Variants in TEK observed in about 807,000 individuals in gnomAD.
TEK encodes the protein angiopoietin-1 receptor.
TEK carries 43 observed loss-of-function variants against 131.8 expected under a neutral mutation model. That is an observed-to-expected ratio of 0.33 (90% CI 0.26 to 0.42). The LOEUF is 0.42. Among genes scored for constraint, TEK ranks in the 10% least tolerant of loss-of-function variants. The pLI is 1.00. For missense variants in TEK, 1,162 were observed against 1,384.4 expected (o/e 0.84, Z 2.55); for synonymous variants, 580 against 491.6 (o/e 1.18, Z -2.38).
At chr9:27,175,050 A>G (rs932548719) in intron 6 of TEK, among the ~76,000 whole-genome samples, 3 of 150,230 alleles carry the variant, frequency 2.0e-5, no homozygotes, top group Non-Finnish European at 3.0e-5. Context: ...GGTTAGTTAC[A>G]TATGTATACA....
At chr9:27,137,668 C>T (rs1181088889) in intron 1 of TEK, among the ~76,000 whole-genome samples, 1 of 122,768 alleles carries the variant, frequency 8.1e-6, no homozygotes, top group Non-Finnish European at 1.8e-5. Context: ...ATGATTAAAG[C>T]ATCTTCTTAA....
intron 1 of TEK, among the ~76,000 whole-genome samples, chr9:27,146,876 C>T (rs1822940012): frequency 1.3e-5 from 2 of 151,974 alleles, no homozygotes; most frequent in Admixed American, 6.6e-5. Context: ...ACTACAGGTG[C>T]CCACCACCAC....
chr9:27,216,193 T>TACATGGTCAAATTTGCCATTTA (rs1318066093), intron 18 of TEK, among the ~76,000 whole-genome samples: 1 of 152,048 alleles, frequency 6.6e-6, no homozygotes, highest in African/African-American at 2.4e-5. Context: ...GGAATAGAAC[T>TACATGGTCAAATTTGCCATTTA]ACATGGTCAA....
chr9:27,174,654 A>G (rs1364856388), intron 6 of TEK, among the ~76,000 whole-genome samples: 2 of 152,008 alleles, frequency 1.3e-5, no homozygotes, highest in Admixed American at 6.6e-5. Context: ...CAAAGAGGAG[A>G]GTTACACAAA....
Position 27,205,063 on chromosome 9 carries a change from G to A in TEK, c.2362G>A (p.Val788Met), listed in dbSNP as rs374265341. 9.9e-6 allele frequency: 16 copies of A among 1,613,794 alleles called. No homozygotes were observed. The Admixed American group carries it at 1.0e-4, about 10-fold the overall frequency. The change falls in exon 14 of 23, where the codon GTG becomes ATG. Residue 788 changes from valine to methionine, a missense_variant and splice_region_variant. Transcript: ENST00000380036. ...GAGAATGGCCCAAGCCTTCCAAAAC[G>A]TGGTAGTGTCTCATCTTCCTACTAG... ...QRRMAQAFQN[V>M]REEPAVQFNS...
At chr9:27,137,947 G>T (rs966133740) in intron 1 of TEK, among the ~76,000 whole-genome samples, 1 of 152,156 alleles carries the variant, frequency 6.6e-6, no homozygotes, top group Admixed American at 6.5e-5. Flanking sequence ...TGTTCCTTCA[G>T]ATGTGTCTGG....
At chr9:27,209,090 G>GA (rs1825506837) in intron 15 of TEK, 31 bp from the exon 16 acceptor site, 2 of 1,516,156 alleles carry the variant, frequency 1.3e-6, no homozygotes, top group Non-Finnish European at 1.8e-6. Context: ...GTGTAACAAA[G>GA]AAGAATCACA....
At chr9:27,157,218 AACAG>A (rs1197697349) in intron 1 of TEK, among the ~76,000 whole-genome samples, 4 of 152,304 alleles carry the variant, frequency 2.6e-5, no homozygotes, top group South Asian at 2.1e-4. Context: ...TGCAATATAT[AACAG>A]ACAGAGTGGT....
chr9:27,180,057 CT>C (rs1824305164), intron 6 of TEK, among the ~76,000 whole-genome samples, 182 bp from the exon 7 acceptor site: 1 of 152,134 alleles, frequency 6.6e-6, no homozygotes, highest in African/African-American at 2.4e-5. Flanking sequence ...GCTCATTCAA[CT>C]TTTTTTGGAA....
intron 17 of TEK, 86 bp from the exon 18 acceptor site, chr9:27,213,398 C>G (rs1485342369): frequency 6.3e-6 from 6 of 954,886 alleles, no homozygotes; most frequent in Non-Finnish European, 6.7e-6. Context: ...CTTTTTTATA[C>G]TATTGTTTTC....
chr9:27,144,333 C>T (rs1272514987), intron 1 of TEK, among the ~76,000 whole-genome samples: 1 of 152,104 alleles, frequency 6.6e-6, no homozygotes. Flanking sequence ...TGCGAAGATG[C>T]TATGGATGAT....
Position 27,218,827 on chromosome 9 carries a change from T to A in TEK, c.3103+10T>A, listed in dbSNP as rs774150868. The A allele has an allele frequency of 2.5e-6, 4 of 1,613,544 alleles. No individual in the cohort carries two copies. The highest frequency in any genetic ancestry group is 1.3e-5 in the African/African-American group (1 of 74,900). ...GAGATTGTTAGCTTAGGTGAGTATC[T>A]ATGTTTATCTACCAGGTGAGACTCT... On this transcript the variant is annotated intron_variant, in intron 20 of 22. Transcript: ENST00000380036.
At chr9:27,171,039 A>C (rs1379706132) in intron 4 of TEK, among the ~76,000 whole-genome samples, 1 of 152,168 alleles carries the variant, frequency 6.6e-6, no homozygotes, top group Non-Finnish European at 1.5e-5. Context: ...TAAATCCCAC[A>C]CTTCCCAGGT....
intron 15 of TEK, among the ~76,000 whole-genome samples, chr9:27,208,216 G>T (rs1272564797): frequency 6.6e-6 from 1 of 152,182 alleles, no homozygotes; most frequent in Non-Finnish European, 1.5e-5. Context: ...TGAGGCTTCT[G>T]TAGTATGAAC....
chr9:27,174,952 C>T (rs1483364192), intron 6 of TEK, among the ~76,000 whole-genome samples: 1 of 134,542 alleles, frequency 7.4e-6, no homozygotes, highest in African/African-American at 2.8e-5. Context: ...GTCTCTGGGC[C>T]CAGGTTTTTT....
intron 2 of TEK, among the ~76,000 whole-genome samples, chr9:27,160,116 G>T (rs910226270): frequency 6.9e-6 from 1 of 145,614 alleles, no homozygotes; most frequent in East Asian, 2.2e-4. Context: ...TTGACCTCCC[G>T]GGCTCATGCT....
At chr9:27,175,052 A>G (rs4320627) in intron 6 of TEK, among the ~76,000 whole-genome samples, 47,547 of 147,326 alleles carry the variant, frequency 0.32, 7,806 homozygotes, top group South Asian at 0.36. Flanking sequence ...TTAGTTACAT[A>G]TGTATACATG....
chr9:27,219,947 A>G, intron 20 of TEK, 102 bp from the exon 21 acceptor site: 1 of 1,220,494 alleles, frequency 8.2e-7, no homozygotes, highest in Non-Finnish European at 1.2e-6. Flanking sequence ...CTCTCTTGCC[A>G]TACCATGTCT....
intron 1 of TEK, among the ~76,000 whole-genome samples, chr9:27,145,826 TA>T (rs1236761345): frequency 6.6e-6 from 1 of 152,220 alleles, no homozygotes; most frequent in Non-Finnish European, 1.5e-5. Context: ...GACATGTCAA[TA>T]TTTAATTAGA....
Sources: gnomAD v4.1 joint callset for allele counts (sites outside exome capture counted in the v4.1 genomes callset) on GRCh38, gnomAD v4.1.1 for gene constraint, MANE v1.5 for transcripts, NCBI Gene and HGNC (gene_info 2026-07-23, HGNC 2026-07-21) for gene names.